Variants in RNASET2 observed in about 807,000 individuals in gnomAD.
The protein encoded by RNASET2 is ribonuclease 6.
In RNASET2, 28 loss-of-function variants were observed where a neutral mutation model predicts 33.9. That is an observed-to-expected ratio of 0.83 (90% CI 0.61 to 1.13). The LOEUF (loss-of-function observed/expected upper bound fraction) is 1.13, where lower values mean the gene tolerates loss of function less well. RNASET2 is among the 50% of genes most tolerant of loss of function. RNASET2 has a pLI of 0.00. For synonymous variants in RNASET2, 123 were observed against 121.0 expected, an observed-to-expected ratio of 1.02 and a Z score of -0.11; for missense variants, 330 against 319.9, an observed-to-expected ratio of 1.03 and a Z score of -0.24.
chr6:166,938,762 G>A, intron 6 of RNASET2, 133 bp downstream of exon 6: 2 of 773,208 alleles, frequency 2.6e-6, no homozygotes, highest in Non-Finnish European at 4.8e-6. Flanking sequence ...GATCCCAGTA[G>A]CCGAATAGTG....
intron 2 of RNASET2, among the ~76,000 whole-genome samples, chr6:166,950,798 CA>C (rs1450777103): frequency 1.8e-4 from 27 of 152,358 alleles, no homozygotes; most frequent in African/African-American, 6.5e-4. Context: ...GTGCCAAGCA[CA>C]GCAAAGGAGG....
rs142619464 is a variant in RNASET2, at chr6:166,924,047, G to A, written c.*5541C>T. On this transcript the variant is annotated 3_prime_UTR_variant, in exon 9 of 9. Coordinates refer to ENST00000508775, the MANE Select transcript of RNASET2 (RefSeq NM_003730.6). The stretch of plus-strand genomic sequence containing the variant: ...GATCTGCATGTTTCCTCATCTGGGC[G>A]TGGTGAGAAGCCAACAGCAGGCACC... Among the ~76,000 whole-genome samples the A allele has an allele frequency of 6.2e-4, 94 of 152,338 alleles. No individual in the cohort carries two copies. Among genetic ancestry groups the A allele is most frequent in the Middle Eastern group, 3.4e-3 (1 of 294 alleles).
rs62436422 is a variant in RNASET2 at position 166,956,122 on chromosome 6, G to C, written c.61C>G (p.Leu21Val). The part of the protein sequence containing the change: ...LGCLCLALLC[L>V]GGADKRLRDN... ...CGCAGGCGCTTGTCCGCACCGCCCAGGCAAAGCAACGCCAGGCAGAGGCAG... is the reference window on the plus strand; with the variant it reads ...CGCAGGCGCTTGTCCGCACCGCCCACGCAAAGCAACGCCAGGCAGAGGCAG... Residue 21 changes from leucine (L) to valine (V), a missense_variant, in exon 1 of 9, where the codon CTG becomes GTG. Leu to Val is a conservative substitution (Grantham distance 32). Transcript: ENST00000508775. 1 of 1,552,358 alleles carries C rather than the reference G, an allele frequency of 6.4e-7. No homozygotes were observed. The highest frequency in any genetic ancestry group is 1.4e-5 in the African/African-American group (1 of 73,212).
chr6:166,937,145 CT>C (rs370311451), intron 6 of RNASET2, among the ~76,000 whole-genome samples: 5 of 149,742 alleles, frequency 3.3e-5, no homozygotes, highest in Admixed American at 1.3e-4. Context: ...CTCATAATGA[CT>C]TTTTTTTTTG....
In RNASET2 at chr6:166,925,335, A is replaced by G. The variant is rs1376193466; in HGVS notation, c.*4253T>C. Among the ~76,000 whole-genome samples, 1 of 150,764 alleles carries G rather than the reference A, an allele frequency of 6.6e-6. No homozygotes were observed. Among genetic ancestry groups the G allele is most frequent in the East Asian group, 2.0e-4 (1 of 5,114 alleles). On this transcript the variant is annotated 3_prime_UTR_variant, in exon 9 of 9. Coordinates refer to ENST00000508775, the MANE Select transcript of RNASET2 (RefSeq NM_003730.6). ...CATCTAGCCCTCACTCAAGCCACCC[A>G]GCTCTCACTTCCTCCATCCAGGCAT...
intron 4 of RNASET2, 193 bp from the exon 5 acceptor site, chr6:166,943,282 A>C: frequency 2.0e-6 from 1 of 508,552 alleles, no homozygotes; most frequent in Non-Finnish European, 3.6e-6. Flanking sequence ...AATTTGAGTA[A>C]TCATAAAACT....
chr6:166,938,779 C>A (rs1437399668), intron 6 of RNASET2, 116 bp downstream of exon 6: 1 of 787,636 alleles, frequency 1.3e-6, no homozygotes, highest in African/African-American at 1.7e-5. Flanking sequence ...AGTGCACATG[C>A]AGAAGCTGCT....
Position 166,938,455 on chromosome 6 carries a change from A to G in RNASET2, c.446+440T>C, listed in dbSNP as rs1252831964. 10 of 492,688 alleles carry G rather than the reference A, an allele frequency of 2.0e-5. No individual in the cohort carries two copies. The East Asian group carries it at 5.6e-4, about 28-fold the overall frequency. The allele number at this position is 492,688 out of a possible 1,614,324, so 30.5% of individuals were successfully genotyped here. ...GGTTGGGGTCATTTCTGGGGCTTAAAGAACCCTGGCCCACATCTCTTTCCT... is the reference window on the plus strand; with the variant it reads ...GGTTGGGGTCATTTCTGGGGCTTAAGGAACCCTGGCCCACATCTCTTTCCT... On this transcript the variant is annotated intron_variant, in intron 6 of 8. Transcript: ENST00000508775.
chr6:166,922,648 C>G lies in RNASET2; in HGVS notation c.*6940G>C, dbSNP rs1252354664. Among the ~76,000 whole-genome samples the G allele has an allele frequency of 6.6e-6, 1 of 152,214 alleles. No homozygotes were observed. The highest frequency in any genetic ancestry group is 2.1e-4 in the South Asian group (1 of 4,836). ...CTGAATATTGGGAGCATCTTGGTGACTGGCTGAATCTTGTACATGACTTTT... is the reference window on the plus strand; with the variant it reads ...CTGAATATTGGGAGCATCTTGGTGAGTGGCTGAATCTTGTACATGACTTTT... On this transcript the variant is annotated 3_prime_UTR_variant, in exon 9 of 9. Transcript: ENST00000508775.
In RNASET2 at chr6:166,952,697, C is replaced by G. The variant is rs1049786574; in HGVS notation, c.87-149G>C. On this transcript the variant is annotated intron_variant, in intron 1 of 8. Coordinates refer to ENST00000508775, the MANE Select transcript of RNASET2 (RefSeq NM_003730.6). ...CCTGCCCTGCTGCTGCACACACTCC[C>G]GTGAGGAAGGCGGTACACCCCTACA... 3.2e-5 allele frequency: 22 copies of G among 694,842 alleles called. No homozygotes were observed. In the Admixed American group the frequency reaches 3.5e-4, roughly 11 times the overall value. 43.0% of individuals were successfully genotyped at this position (694,842 alleles called of 1,614,324 possible).
In RNASET2 at chr6:166,955,185, ACACGCACACACG is replaced by A. The variant is rs1158803565; in HGVS notation, c.86+900_86+911del. ...TAATTTGGGCGGCTGCCACACACAC[ACACGCACACACG>A]CACGCACACACGCACGCACACACGC... On this transcript the variant is annotated intron_variant, in intron 1 of 8. Coordinates refer to ENST00000508775, the MANE Select transcript of RNASET2 (RefSeq NM_003730.6). Among the ~76,000 whole-genome samples the A allele has an allele frequency of 5.4e-3, 609 of 113,462 alleles. 3 individuals carry two copies. Among genetic ancestry groups the A allele is most frequent in the Middle Eastern group, 0.013 (3 of 230 alleles). The allele number at this position is 113,462 out of a possible 152,430, so 74.4% of individuals were successfully genotyped here.
chr6:166,943,730 A>T, intron 4 of RNASET2: 1 of 469,976 alleles, frequency 2.1e-6, no homozygotes, highest in Non-Finnish European at 4.4e-6. Flanking sequence ...TAACAAATGT[A>T]ACACACTATA....
intron 6 of RNASET2, among the ~76,000 whole-genome samples, chr6:166,935,557 C>T (rs928611059): frequency 6.6e-6 from 1 of 152,220 alleles, no homozygotes; most frequent in Non-Finnish European, 1.5e-5. Flanking sequence ...TACTCTAGCA[C>T]GTGCCATCAG....
chr6:166,939,035 T>C (rs1778636524), intron 5 of RNASET2, 27 bp from the exon 6 acceptor site: 32 of 1,546,600 alleles, frequency 2.1e-5, no homozygotes, highest in Non-Finnish European at 2.8e-5. Context: ...AAATCTCCAC[T>C]TAAAAGTAGT....
In RNASET2 at chr6:166,928,388, A is replaced by G. The variant is rs1013097273; in HGVS notation, c.*1200T>C. Among the ~76,000 whole-genome samples, 1 of 151,198 alleles carries G rather than the reference A, an allele frequency of 6.6e-6. No individual in the cohort carries two copies. Among genetic ancestry groups the G allele is most frequent in the African/African-American group, 2.4e-5 (1 of 41,112 alleles). On this transcript the variant is annotated 3_prime_UTR_variant, in exon 9 of 9. Coordinates refer to ENST00000508775, the MANE Select transcript of RNASET2 (RefSeq NM_003730.6). ...AGGTTTTGGTTTGAGCCAATTTGAA[A>G]ATCTCTTCTTTAAATGGGCGAGTAA...
intron 6 of RNASET2, among the ~76,000 whole-genome samples, chr6:166,935,623 T>C: frequency 1.3e-5 from 2 of 152,246 alleles, no homozygotes. Context: ...TTTGTGGTTT[T>C]TCAGGTTTGC....
At position 166,925,420 on chromosome 6, in the gene RNASET2, G is replaced by A. The variant is rs1001153595; in HGVS notation, c.*4168C>T. On this transcript the variant is annotated 3_prime_UTR_variant, in exon 9 of 9. Transcript: ENST00000508775. ...AGCCCTCACCTCCCCTGTCCAGCCC[G>A]TCCTCACCTACACTGCACAGCCCTC... Among the ~76,000 whole-genome samples, 5 of 139,514 alleles carry A rather than the reference G, an allele frequency of 3.6e-5. No individual in the cohort carries two copies. The highest frequency in any genetic ancestry group is 4.6e-4 in the East Asian group (2 of 4,328). 91.5% of individuals were successfully genotyped at this position (139,514 alleles called of 152,430 possible). A position where few individuals can be genotyped will look rare whatever the true frequency, so the allele number is the denominator to read the frequency against.
rs1183952977 is a variant in RNASET2, at chr6:166,956,104, G to T, written c.79C>A (p.Arg27Ser). The T allele has an allele frequency of 6.4e-7, 1 of 1,552,298 alleles. No homozygotes were observed. The highest frequency in any genetic ancestry group is 8.7e-7 in the Non-Finnish European group (1 of 1,147,254). The change falls in exon 1 of 9, where the codon CGC becomes AGC. Residue 27 changes from arginine to serine, a missense_variant. Physicochemically the swap from Arg to Ser is moderately radical, Grantham distance 110 (BLOSUM62 -1). Transcript: ENST00000508775. The stretch of plus-strand genomic sequence containing the variant: ...CCTCGCAAGGTAACTCACCGCAGGC[G>T]CTTGTCCGCACCGCCCAGGCAAAGC... The part of the protein sequence containing the change: ...ALLCLGGADK[R>S]LRDNHEWKKL...
chr6:166,942,332 T>C (rs1035689683), intron 5 of RNASET2, among the ~76,000 whole-genome samples: 13 of 151,796 alleles, frequency 8.6e-5, no homozygotes, highest in African/African-American at 2.9e-4. Context: ...GGATTACAGG[T>C]GTGAACCACT....
Sources: allele counts gnomAD v4.1 joint callset (sites outside exome capture counted in the v4.1 genomes callset), GRCh38; gene constraint gnomAD v4.1.1; transcripts MANE v1.5; gene names NCBI Gene and HGNC (gene_info 2026-07-23, HGNC 2026-07-21).